The following GFRA1 variants were observed in gnomAD, a reference collection of about 807,000 sequenced individuals.
The protein encoded by GFRA1 is GDNF family receptor alpha-1.
GFRA1 carries 16 observed loss-of-function variants against 51.6 expected under a neutral mutation model. The ratio of observed to expected loss-of-function variants is 0.31; its 90% CI spans 0.21 to 0.47. GFRA1 has a LOEUF of 0.47. GFRA1 is among the 20% of genes least tolerant of loss of function. GFRA1 has a pLI of 1.00. For missense variants in GFRA1, 530 were observed against 594.3 expected, an observed-to-expected ratio of 0.89 and a Z score of 1.13; for synonymous variants, 270 against 241.3, an observed-to-expected ratio of 1.12 and a Z score of -1.10.
chr10:116,127,610 G>A (rs1589810095), intron 5 of GFRA1, among the ~76,000 whole-genome samples: 1 of 152,216 alleles, frequency 6.6e-6, no homozygotes, highest in East Asian at 1.9e-4. Flanking sequence ...TCTCCATCTC[G>A]CTCTTTCTAT....
rs369448885 is a variant in GFRA1, at chr10:116,085,889, C to G, written c.1197+3852G>C. 5.9e-5 allele frequency among the ~76,000 whole-genome samples: 9 copies of G among 152,282 alleles called. No homozygotes were observed. The East Asian group carries it at 1.7e-3, about 29-fold the overall frequency. The stretch of plus-strand genomic sequence containing the variant: ...TGTACCCCTTATTTGCATCAGTGAA[C>G]CTCACGAGGAACTAAGACATGCGGC... On this transcript the variant is annotated intron_variant, in intron 9 of 10. Transcript: ENST00000355422.
intron 9 of GFRA1, among the ~76,000 whole-genome samples, chr10:116,084,918 A>G (rs944928659): frequency 1.3e-5 from 2 of 149,320 alleles, no homozygotes; most frequent in African/African-American, 2.5e-5. Context: ...TGTTTTCCAT[A>G]TGACCATTTC....
chr10:116,234,840 T>C (rs992878585), intron 4 of GFRA1, among the ~76,000 whole-genome samples: 3 of 152,100 alleles, frequency 2.0e-5, no homozygotes, highest in African/African-American at 7.2e-5. Flanking sequence ...AGGGACCCGA[T>C]GGGAGGTAAT....
At chr10:116,196,658 AGTAC>A (rs1565643712) in intron 5 of GFRA1, among the ~76,000 whole-genome samples, 4 of 14,402 alleles carry the variant, frequency 2.8e-4, no homozygotes, top group Non-Finnish European at 3.8e-4. Flanking sequence ...ATATATATAT[AGTAC>A]TATATATAAT....
At chr10:116,152,782 C>T (rs532029144) in intron 5 of GFRA1, among the ~76,000 whole-genome samples, 1 of 152,330 alleles carries the variant, frequency 6.6e-6, no homozygotes, top group East Asian at 1.9e-4. Flanking sequence ...ACATTTGTGA[C>T]CATGATCACA....
intron 5 of GFRA1, among the ~76,000 whole-genome samples, chr10:116,174,978 G>A (rs898206462): frequency 2.0e-5 from 3 of 152,104 alleles, no homozygotes; most frequent in Admixed American, 6.6e-5. Context: ...CTGCAAATGC[G>A]CTGTCCTAAT....
In GFRA1 at chr10:116,204,727, G is replaced by C. The variant is rs546190575; in HGVS notation, c.433+6904C>G. ...AAATAGTAATAGATTAGAACTCAAAGCATAACATAAATACCTATGAGTTCA... is the reference window on the plus strand; with the variant it reads ...AAATAGTAATAGATTAGAACTCAAACCATAACATAAATACCTATGAGTTCA... On this transcript the variant is annotated intron_variant, in intron 5 of 10. Coordinates refer to ENST00000355422, the MANE Select transcript of GFRA1 (RefSeq NM_005264.8). Among the ~76,000 whole-genome samples, 5 of 152,238 alleles carry C rather than the reference G, an allele frequency of 3.3e-5. No individual in the cohort carries two copies. In the South Asian group the frequency reaches 6.2e-4, roughly 19 times the overall value.
At chr10:116,239,307 C>T (rs1565672750) in intron 4 of GFRA1, among the ~76,000 whole-genome samples, 1 of 152,104 alleles carries the variant, frequency 6.6e-6, no homozygotes, top group Non-Finnish European at 1.5e-5. Context: ...ATTATTATCA[C>T]AGTGAAATTC....
rs1425117578 is a variant in GFRA1 at position 116,060,882 on chromosome 10, A to G, written c.*3516T>C. 6.6e-6 allele frequency: 1 copy of G among 152,246 alleles called. No individual in the cohort carries two copies. Among genetic ancestry groups the G allele is most frequent in the African/African-American group, 2.4e-5 (1 of 41,464 alleles). 9.4% of individuals were successfully genotyped at this position (152,246 alleles called of 1,614,324 possible). Reference sequence around the variant, plus strand: ...CTCCTCTGAGGCCACAATTTTGTAAATAATAACAACAGAAATACATTTCCG... The same window carrying G: ...CTCCTCTGAGGCCACAATTTTGTAAGTAATAACAACAGAAATACATTTCCG... On this transcript the variant is annotated 3_prime_UTR_variant, in exon 11 of 11. Coordinates refer to ENST00000355422, the MANE Select transcript of GFRA1 (RefSeq NM_005264.8).
At chr10:116,196,561 TATATATA>T (rs1332551715) in intron 5 of GFRA1, among the ~76,000 whole-genome samples, 10 of 55,056 alleles carry the variant, frequency 1.8e-4, no homozygotes, top group Non-Finnish European at 3.5e-4. Flanking sequence ...TTATATATAC[TATATATA>T]ATATATATAA....
At chr10:116,116,530 G>A (rs1435598869) in intron 6 of GFRA1, among the ~76,000 whole-genome samples, 1 of 152,230 alleles carries the variant, frequency 6.6e-6, no homozygotes, top group Non-Finnish European at 1.5e-5. Flanking sequence ...AATCAGGTGA[G>A]TGTGCATGCC....
chr10:116,104,071 G>A (rs902242597), intron 6 of GFRA1, among the ~76,000 whole-genome samples: 46 of 152,134 alleles, frequency 3.0e-4, no homozygotes, highest in African/African-American at 1.0e-3. Context: ...CATGCCCCAG[G>A]TGCAGATGCG....
At chr10:116,203,140 A>G (rs934206983) in intron 5 of GFRA1, among the ~76,000 whole-genome samples, 2 of 152,200 alleles carry the variant, frequency 1.3e-5, no homozygotes, top group African/African-American at 2.4e-5. Flanking sequence ...GGCCACACCC[A>G]GCCATCAGCA....
At chr10:116,167,144 C>T (rs1476994007) in intron 5 of GFRA1, among the ~76,000 whole-genome samples, 3 of 151,578 alleles carry the variant, frequency 2.0e-5, no homozygotes, top group South Asian at 2.1e-4. Flanking sequence ...CTTCTCAAGC[C>T]ATATTTTCTT....
At chr10:116,086,554 C>T (rs563429458) in intron 9 of GFRA1, among the ~76,000 whole-genome samples, 9 of 152,170 alleles carry the variant, frequency 5.9e-5, no homozygotes, top group African/African-American at 2.2e-4. Flanking sequence ...CTGCCCTTAT[C>T]CCTTATTCCC....
intron 5 of GFRA1, among the ~76,000 whole-genome samples, chr10:116,148,085 T>TGTGCATGCATGC (rs1958905729): frequency 6.8e-6 from 1 of 147,272 alleles, no homozygotes; most frequent in Non-Finnish European, 1.5e-5. Context: ...CATGTGTGTG[T>TGTGCATGCATGC]GTGCATGCGT....
intron 4 of GFRA1, among the ~76,000 whole-genome samples, chr10:116,268,079 T>A (rs1969816373): frequency 6.6e-6 from 1 of 152,226 alleles, no homozygotes; most frequent in Non-Finnish European, 1.5e-5. Flanking sequence ...ATGTGTATTC[T>A]GATTCAGTAG....
At chr10:116,179,364 C>G (rs769511299) in intron 5 of GFRA1, among the ~76,000 whole-genome samples, 1 of 152,138 alleles carries the variant, frequency 6.6e-6, no homozygotes, top group Non-Finnish European at 1.5e-5. Flanking sequence ...AAGTATTTGG[C>G]TTTTATTTAT....
chr10:116,088,724 T>TC (rs1956201225), intron 9 of GFRA1, among the ~76,000 whole-genome samples: 1 of 151,792 alleles, frequency 6.6e-6, no homozygotes, highest in Admixed American at 6.6e-5. Flanking sequence ...ATCGAGACCA[T>TC]CCTGGCTAAC....
Sources: gnomAD v4.1 joint callset for allele counts (sites outside exome capture counted in the v4.1 genomes callset) on GRCh38, gnomAD v4.1.1 for gene constraint, MANE v1.5 for transcripts, NCBI Gene and HGNC (gene_info 2026-07-23, HGNC 2026-07-21) for gene names.